Variants in AGMO observed in about 807,000 individuals in gnomAD.
AGMO encodes the protein alkylglycerol monooxygenase.
AGMO carries 75 observed loss-of-function variants against 60.2 expected under a neutral mutation model. That is an observed-to-expected ratio of 1.25 (90% confidence interval 1.03 to 1.51). The LOEUF is 1.51. AGMO is among the 40% of genes most tolerant of loss of function. The pLI, the probability that AGMO is intolerant of heterozygous loss-of-function variation, is 0.00. For synonymous variants in AGMO, 261 were observed against 177.1 expected (o/e 1.47, Z -3.76); for missense variants, 763 against 525.5 (o/e 1.45, Z -4.42).
intron 12 of AGMO, among the ~76,000 whole-genome samples, chr7:15,352,377 A>G (rs993610070): frequency 6.6e-6 from 1 of 152,012 alleles, no homozygotes; most frequent in Non-Finnish European, 1.5e-5. Context: ...CCACTATCAC[A>G]GTCTCACAAC....
intron 10 of AGMO, among the ~76,000 whole-genome samples, chr7:15,370,745 TTTC>T: frequency 6.6e-6 from 1 of 152,214 alleles, no homozygotes; most frequent in Non-Finnish European, 1.5e-5. Flanking sequence ...TATTTGTTTT[TTTC>T]TTGTTGATCT....
At chr7:15,272,021 T>A (rs1214909243) in intron 12 of AGMO, among the ~76,000 whole-genome samples, 2 of 152,184 alleles carry the variant, frequency 1.3e-5, no homozygotes, top group Admixed American at 6.5e-5. Flanking sequence ...ATCTCTGGAA[T>A]AAAACCCAGT....
rs199707851 is a variant in AGMO, at chr7:15,394,161, G to C, written c.628C>G (p.Pro210Ala). 6.2e-7 allele frequency: 1 copy of C among 1,611,222 alleles called. No homozygotes were observed. Among genetic ancestry groups the C allele is most frequent in the Non-Finnish European group, 8.5e-7 (1 of 1,177,676 alleles). ...IHTEVINNLG[P>A]LELILNTPSH... ...GGAGTATTAAGAATCAGTTCCAAAG[G>C]ACCAAGGTTATTGATGACCTGTTTA... The change falls in exon 6 of 13, where the codon CCT (proline) becomes GCT (alanine). Residue 210 changes from proline to alanine, a missense_variant. By Grantham distance (27) the Pro-to-Ala change is conservative. Transcript: ENST00000342526.
chr7:15,444,124 CGTT>C (rs1361717274), intron 3 of AGMO, among the ~76,000 whole-genome samples: 5 of 152,008 alleles, frequency 3.3e-5, no homozygotes, highest in African/African-American at 7.3e-5. Context: ...CAGCATCTAC[CGTT>C]GTTTTTTATA....
At chr7:15,249,679 C>G (rs770882698) in intron 12 of AGMO, among the ~76,000 whole-genome samples, 2 of 151,230 alleles carry the variant, frequency 1.3e-5, no homozygotes, top group African/African-American at 4.9e-5. Flanking sequence ...AACAGAGTTA[C>G]AAGGATGTGA....
chr7:15,263,385 C>T (rs767300168), intron 12 of AGMO, among the ~76,000 whole-genome samples: 1 of 143,570 alleles, frequency 7.0e-6, no homozygotes, highest in African/African-American at 2.7e-5. Context: ...TGCGATAACA[C>T]CTCACTCCTG....
chr7:15,139,676 T>C, the AGMO span, among the ~76,000 whole-genome samples: 2 of 152,012 alleles, frequency 1.3e-5, no homozygotes, highest in Admixed American at 6.6e-5. Flanking sequence ...AAGGAGTTGG[T>C]ACATATTGAA....
At chr7:15,337,826 CAGA>C (rs1781711410) in intron 12 of AGMO, among the ~76,000 whole-genome samples, 1 of 152,144 alleles carries the variant, frequency 6.6e-6, no homozygotes, top group Admixed American at 6.6e-5. Context: ...TAACCAGGGG[CAGA>C]TATATTAGGC....
At chr7:15,253,184 G>A (rs535520749) in intron 12 of AGMO, among the ~76,000 whole-genome samples, 2 of 152,146 alleles carry the variant, frequency 1.3e-5, no homozygotes, top group Non-Finnish European at 2.9e-5. Context: ...AATTTCTGGA[G>A]TGCTATTTTT....
intron 3 of AGMO, among the ~76,000 whole-genome samples, chr7:15,480,340 A>T (rs1446857350): frequency 2.6e-5 from 4 of 152,158 alleles, no homozygotes; most frequent in African/African-American, 9.7e-5. Context: ...AATAATGTTT[A>T]GAGTCAGTTG....
At chr7:15,546,589 G>A (rs1448060575) in intron 2 of AGMO, among the ~76,000 whole-genome samples, 1 of 152,174 alleles carries the variant, frequency 6.6e-6, no homozygotes, top group Admixed American at 6.5e-5. Flanking sequence ...GCTATTTTGG[G>A]GCATGTAGAC....
At chr7:15,250,716 G>T (rs1782904621) in intron 12 of AGMO, among the ~76,000 whole-genome samples, 1 of 152,076 alleles carries the variant, frequency 6.6e-6, no homozygotes. Flanking sequence ...GAGGCAGGTG[G>T]ATCACCTGAG....
At chr7:15,480,558 T>A (rs892896571) in intron 3 of AGMO, among the ~76,000 whole-genome samples, 12 of 152,268 alleles carry the variant, frequency 7.9e-5, no homozygotes, top group African/African-American at 2.9e-4. Context: ...GTTTTGTAAA[T>A]TGTCCTGATG....
At chr7:15,350,573 T>A (rs532403493) in intron 12 of AGMO, among the ~76,000 whole-genome samples, 1 of 151,984 alleles carries the variant, frequency 6.6e-6, no homozygotes, top group Non-Finnish European at 1.5e-5. Flanking sequence ...TCAGAGAGAG[T>A]AGATTTCTGT....
intron 8 of AGMO, among the ~76,000 whole-genome samples, chr7:15,388,313 C>T (rs1345993494): frequency 1.3e-5 from 2 of 151,934 alleles, no homozygotes; most frequent in Non-Finnish European, 2.9e-5. Context: ...AAGGTCATCG[C>T]CAAGCTCTAA....
intron 4 of AGMO, among the ~76,000 whole-genome samples, chr7:15,426,755 A>ATTTTT (rs146482241): frequency 1.3e-5 from 2 of 150,808 alleles, no homozygotes; most frequent in Non-Finnish European, 3.0e-5. Context: ...CAAAAAAAAA[A>ATTTTT]TTTTTTTTTT....
At chr7:15,355,504 CAAA>C (rs56695710) in intron 12 of AGMO, among the ~76,000 whole-genome samples, 62 of 81,726 alleles carry the variant, frequency 7.6e-4, no homozygotes, top group African/African-American at 2.3e-3. Flanking sequence ...GACTCTGTCT[CAAA>C]AAAAAAAAAA....
chr7:15,338,402 T>C (rs1379617432), intron 12 of AGMO, among the ~76,000 whole-genome samples: 7 of 152,174 alleles, frequency 4.6e-5, no homozygotes, highest in Non-Finnish European at 7.3e-5. Flanking sequence ...AGTCAAATTA[T>C]TGTTAAACAA....
intron 12 of AGMO, among the ~76,000 whole-genome samples, chr7:15,251,580 T>C (rs1365137492): frequency 6.6e-6 from 1 of 152,160 alleles, no homozygotes; most frequent in Non-Finnish European, 1.5e-5. Flanking sequence ...AGATAACCAT[T>C]ATAAAGCCTA....
Sources: gnomAD v4.1 joint callset for allele counts (sites outside exome capture counted in the v4.1 genomes callset) on GRCh38, gnomAD v4.1.1 for gene constraint, MANE v1.5 for transcripts, NCBI Gene and HGNC (gene_info 2026-07-23, HGNC 2026-07-21) for gene names.